Variants in PRKCA observed in about 807,000 individuals in gnomAD.
PRKCA encodes protein kinase C alpha.
In PRKCA, 27 loss-of-function variants were observed where a neutral mutation model predicts 87.0. The observed-to-expected ratio is 0.31, with a 90% CI of 0.23 to 0.43. The LOEUF (loss-of-function observed/expected upper bound fraction) is 0.43. Among genes scored for constraint, PRKCA ranks in the 20% least tolerant of loss-of-function variants. The probability of loss-of-function intolerance (pLI) is 1.00; values close to 1 mark genes in which losing one functional copy is unlikely to be tolerated. For synonymous variants in PRKCA, 329 were observed against 311.1 expected, an observed-to-expected ratio of 1.06 and a Z score of -0.61; for missense variants, 518 against 852.3, an observed-to-expected ratio of 0.61 and a Z score of 4.88.
intron 2 of PRKCA, among the ~76,000 whole-genome samples, chr17:66,348,883 C>T (rs1193415930): frequency 2.6e-5 from 4 of 152,138 alleles, no homozygotes; most frequent in Non-Finnish European, 4.4e-5. Flanking sequence ...CCAAACTATA[C>T]GGTTAAAAAT....
chr17:66,798,503 G>A (rs1240873695), intron 16 of PRKCA, among the ~76,000 whole-genome samples: 1 of 48,730 alleles, frequency 2.1e-5, no homozygotes, highest in Non-Finnish European at 3.9e-5. Flanking sequence ...GGTGGTGGTG[G>A]TGGTGACGGT....
chr17:66,357,370 G>A (rs949221930), intron 2 of PRKCA, among the ~76,000 whole-genome samples: 10 of 152,300 alleles, frequency 6.6e-5, no homozygotes, highest in African/African-American at 2.4e-4. Flanking sequence ...TACAAAGCCA[G>A]CTTTGAGTTG....
intron 3 of PRKCA, among the ~76,000 whole-genome samples, chr17:66,543,380 C>T (rs1212428095): frequency 6.6e-6 from 1 of 152,128 alleles, no homozygotes; most frequent in Non-Finnish European, 1.5e-5. Flanking sequence ...TAATGAGATA[C>T]TGTAAGATAC....
chr17:66,403,364 A>G (rs1911152106), intron 2 of PRKCA, among the ~76,000 whole-genome samples: 1 of 152,204 alleles, frequency 6.6e-6, no homozygotes, highest in South Asian at 2.1e-4. Context: ...ATGATGTATT[A>G]TTCCATACAC....
At chr17:66,473,091 T>TC (rs1915391718) in intron 2 of PRKCA, among the ~76,000 whole-genome samples, 1 of 151,362 alleles carries the variant, frequency 6.6e-6, no homozygotes, top group African/African-American at 2.4e-5. Context: ...ACTCCCCCAC[T>TC]CCCCCATTCC....
rs189437856 is a variant in PRKCA at position 66,776,850 on chromosome 17, G to T, written c.1605+2783G>T. Among the ~76,000 whole-genome samples, 15 of 152,358 alleles carry T rather than the reference G, an allele frequency of 9.8e-5. No individual in the cohort carries two copies. The East Asian group carries it at 2.7e-3, about 27-fold the overall frequency. ...AGTGGCCTGCTAGTGCTTGGGAGGG[G>T]CGGCATGTGCAGTGTGTTTACTGGA... On this transcript the variant is annotated intron_variant, in intron 14 of 16. Coordinates refer to ENST00000413366, the MANE Select transcript of PRKCA (RefSeq NM_002737.3).
chr17:66,638,572 G>C (rs1157695039), intron 3 of PRKCA, among the ~76,000 whole-genome samples: 1 of 152,132 alleles, frequency 6.6e-6, no homozygotes, highest in Non-Finnish European at 1.5e-5. Flanking sequence ...TCTCAAATCT[G>C]TGTCTTTAAA....
intron 3 of PRKCA, among the ~76,000 whole-genome samples, chr17:66,559,479 CAAAAAAAAAAAAAA>C (rs34998780): frequency 2.7e-5 from 1 of 36,688 alleles, no homozygotes. Flanking sequence ...TCTGTCTCAC[CAAAAAAAAAAAAAA>C]AAAAAAAAAA....
chr17:66,680,043 C>T (rs1785210317), intron 5 of PRKCA, among the ~76,000 whole-genome samples: 1 of 152,060 alleles, frequency 6.6e-6, no homozygotes, highest in Admixed American at 6.6e-5. Context: ...TTTTTTATTC[C>T]TCAAAGACAA....
At chr17:66,366,197 C>T (rs749920029) in intron 2 of PRKCA, among the ~76,000 whole-genome samples, 5 of 151,926 alleles carry the variant, frequency 3.3e-5, no homozygotes, top group Non-Finnish European at 5.9e-5. Context: ...TCAACACAGG[C>T]GATCTTTTTA....
intron 5 of PRKCA, among the ~76,000 whole-genome samples, chr17:66,669,137 G>A (rs1972112989): frequency 6.6e-6 from 1 of 151,598 alleles, no homozygotes; most frequent in Non-Finnish European, 1.5e-5. Context: ...TGTAAAACAG[G>A]AACATAATGC....
At chr17:66,654,414 A>G (rs1971675076) in intron 5 of PRKCA, among the ~76,000 whole-genome samples, 1 of 146,512 alleles carries the variant, frequency 6.8e-6, no homozygotes, top group Non-Finnish European at 1.5e-5. Context: ...AAATGCTATC[A>G]TCATCACCAG....
chr17:66,314,947 GTGTA>G (rs757755235), intron 2 of PRKCA, among the ~76,000 whole-genome samples: 16 of 151,574 alleles, frequency 1.1e-4, no homozygotes, highest in East Asian at 7.8e-4. Context: ...GTGTGTGTAT[GTGTA>G]TGTATATATG....
At chr17:66,341,354 G>A (rs1907035336) in intron 2 of PRKCA, among the ~76,000 whole-genome samples, 1 of 152,072 alleles carries the variant, frequency 6.6e-6, no homozygotes, top group Admixed American at 6.6e-5. Flanking sequence ...TAATCTCTAA[G>A]GTGCAAATTT....
intron 3 of PRKCA, among the ~76,000 whole-genome samples, chr17:66,622,416 CTCACTTCTTTTCA>C (rs1970712810): frequency 6.6e-6 from 1 of 152,198 alleles, no homozygotes; most frequent in Non-Finnish European, 1.5e-5. Flanking sequence ...CCCCAGATGG[CTCACTTCTTTTCA>C]TCTGTGCTTA....
At chr17:66,309,353 T>C (rs1445507591) in intron 2 of PRKCA, among the ~76,000 whole-genome samples, 1 of 152,240 alleles carries the variant, frequency 6.6e-6, no homozygotes, top group Non-Finnish European at 1.5e-5. Flanking sequence ...AAGTTATTTC[T>C]ACTTTCATTT....
intron 3 of PRKCA, among the ~76,000 whole-genome samples, chr17:66,614,671 G>A (rs1442288365): frequency 2.6e-5 from 4 of 152,170 alleles, no homozygotes; most frequent in African/African-American, 9.7e-5. Flanking sequence ...TTGTGACATT[G>A]TGGTGGCTGG....
chr17:66,545,809 G>A (rs543455549), intron 3 of PRKCA, among the ~76,000 whole-genome samples: 12 of 152,266 alleles, frequency 7.9e-5, no homozygotes, highest in African/African-American at 2.9e-4. Context: ...AGTGAATGTT[G>A]GTGGAAAATA....
intron 1 of PRKCA, among the ~76,000 whole-genome samples, chr17:66,304,971 T>C (rs1397943181): frequency 6.6e-6 from 1 of 152,194 alleles, no homozygotes; most frequent in Non-Finnish European, 1.5e-5. Context: ...TGCAGCATAC[T>C]GAGGCTAGCT....
Sources: gnomAD v4.1 joint callset for allele counts (sites outside exome capture counted in the v4.1 genomes callset) on GRCh38, gnomAD v4.1.1 for gene constraint, MANE v1.5 for transcripts, NCBI Gene and HGNC (gene_info 2026-07-23, HGNC 2026-07-21) for gene names.